The following RACGAP1 variants were observed in gnomAD, a reference collection of about 807,000 sequenced individuals.
RACGAP1 encodes the protein Rac GTPase activating protein 1, also known as rac GTPase-activating protein 1.
Under a neutral mutation model 78.1 loss-of-function variants are expected in RACGAP1, and 30 were observed. That is an observed-to-expected ratio of 0.38 (90% CI 0.29 to 0.52). RACGAP1 has a LOEUF of 0.52. Among genes scored for constraint, RACGAP1 ranks in the 20% least tolerant of loss-of-function variants. The probability of loss-of-function intolerance (pLI) is 0.82; values close to 1 mark genes in which losing one functional copy is unlikely to be tolerated. For missense variants in RACGAP1, 587 were observed against 777.1 expected (o/e 0.76, Z 2.91); for synonymous variants, 231 against 264.8 (o/e 0.87, Z 1.24).
At position 49,997,135 on chromosome 12, in the gene RACGAP1, G is replaced by T. The variant is rs780103010; in HGVS notation, c.949C>A (p.Arg317=). The T allele has an allele frequency of 6.2e-7, 1 of 1,610,490 alleles. No individual in the cohort carries two copies. The highest frequency in any genetic ancestry group is 8.5e-7 in the Non-Finnish European group (1 of 1,177,400). Residue 317 remains arginine, a synonymous_variant, in exon 10 of 17, where the codon CGA becomes AGA. Transcript: ENST00000312377. Reference sequence around the variant, plus strand: ...GGATGAGAGACCACACGACAGTCTCGACACTTCAGAGATAATTTGCCAAAT... The same window carrying T: ...GGATGAGAGACCACACGACAGTCTCTACACTTCAGAGATAATTTGCCAAAT... The part of the protein sequence containing the change: ...IKFGKLSLKC[R]DCRVVSHPEC...
At chr12:50,017,015 T>C in intron 1 of RACGAP1, 1 of 1,117,514 alleles carries the variant, frequency 8.9e-7, no homozygotes, top group African/African-American at 1.6e-5. Context: ...CATTAGCAAG[T>C]GACTGACCAA....
At chr12:50,005,231 A>G (rs1167076302) in intron 4 of RACGAP1, 25 bp downstream of exon 4, 16 of 1,613,532 alleles carry the variant, frequency 9.9e-6, no homozygotes, top group Non-Finnish European at 1.4e-5. Context: ...TTGTGATAGG[A>G]TAACAACAGA....
intron 8 of RACGAP1, 102 bp downstream of exon 8, chr12:49,999,514 C>G: frequency 9.2e-7 from 1 of 1,091,348 alleles, no homozygotes; most frequent in Non-Finnish European, 1.4e-6. Flanking sequence ...AGAAACTACC[C>G]AATACATCCA....
At chr12:49,997,767 G>A (rs569082192) in intron 9 of RACGAP1, among the ~76,000 whole-genome samples, 4 of 149,204 alleles carry the variant, frequency 2.7e-5, no homozygotes, top group South Asian at 2.1e-4. Context: ...TAGTAGAGAC[G>A]GGGTTTCTCC....
rs1948530304 is a variant in RACGAP1 at position 49,999,671 on chromosome 12, T to C, written c.693A>G (p.Glu231=). The C allele has an allele frequency of 6.2e-7, 1 of 1,614,112 alleles. No homozygotes were observed. The change falls in exon 8 of 17, where the codon GAA becomes GAG. Residue 231 remains glutamate, a synonymous_variant. Coordinates refer to ENST00000312377, the MANE Select transcript of RACGAP1 (RefSeq NM_001319999.2). ...GCACAGTCTCAATAGTGGACACAGC[T>C]TCGATGGGCCCGCCATCATTGGGAA... The part of the protein sequence containing the change: ...VTVPNDGGPI[E]AVSTIETVPY...
intron 2 of RACGAP1, among the ~76,000 whole-genome samples, chr12:50,007,906 T>G (rs1203596309): frequency 2.3e-5 from 3 of 129,962 alleles, no homozygotes; most frequent in Middle Eastern, 3.3e-3. Context: ...TTTTTGTGGG[T>G]TTTTTTTTTT....
intron 2 of RACGAP1, among the ~76,000 whole-genome samples, chr12:50,013,380 C>G (rs1949472342): frequency 6.6e-6 from 1 of 152,168 alleles, no homozygotes; most frequent in Non-Finnish European, 1.5e-5. Context: ...AAAGCCAGCA[C>G]TAGTTATCAA....
chr12:50,018,641 T>C lies in RACGAP1; in HGVS notation c.-4-1922A>G, dbSNP rs1411106300. ...CAGTAGTTTTAATATAAGGTATTAC[T>C]TTCTATCATCTCGGCATTCACTTAT... On this transcript the variant is annotated intron_variant, in intron 1 of 16. Transcript: ENST00000312377. 2.9e-6 allele frequency: 3 copies of C among 1,034,904 alleles called. No homozygotes were observed. In the Admixed American group the frequency reaches 7.2e-5, roughly 25 times the overall value. The allele number at this position is 1,034,904 out of a possible 1,614,324, so 64.1% of individuals were successfully genotyped here. A position where few individuals can be genotyped will look rare whatever the true frequency, so the allele number is the denominator to read the frequency against.
intron 2 of RACGAP1, among the ~76,000 whole-genome samples, chr12:50,007,229 G>A (rs985894116): frequency 3.3e-5 from 5 of 150,604 alleles, no homozygotes; most frequent in African/African-American, 7.3e-5. Context: ...TGAAGGGTAT[G>A]TAAACATTCC....
chr12:50,009,994 A>G (rs1949213015), intron 2 of RACGAP1, among the ~76,000 whole-genome samples: 1 of 152,266 alleles, frequency 6.6e-6, no homozygotes, highest in African/African-American at 2.4e-5. Context: ...CTCTGAAACT[A>G]AAATACCATA....
intron 9 of RACGAP1, among the ~76,000 whole-genome samples, chr12:49,998,254 A>C (rs1174162325): frequency 6.6e-6 from 1 of 151,652 alleles, no homozygotes; most frequent in African/African-American, 2.4e-5. Context: ...AGTACAAAAA[A>C]TTGGCCGGGC....
chr12:50,025,668 TG>T, upstream of RACGAP1: 4 of 545,514 alleles, frequency 7.3e-6, no homozygotes, highest in Non-Finnish European at 9.3e-6. Context: ...CGGTTTTTTT[TG>T]TTTTTTTTTG....
chr12:50,021,143 C>T, intron 1 of RACGAP1: 1 of 980,026 alleles, frequency 1.0e-6, no homozygotes, highest in East Asian at 1.1e-4. Context: ...TTTATTTCCC[C>T]CCATGTATTA....
intron 2 of RACGAP1, among the ~76,000 whole-genome samples, chr12:50,015,872 C>A (rs1303227544): frequency 6.7e-6 from 1 of 148,240 alleles, no homozygotes; most frequent in East Asian, 2.0e-4. Context: ...GGTGGCGCAA[C>A]CTGGGTGACA....
chr12:50,025,660 G>GTTTTT, upstream of RACGAP1: 1 of 543,170 alleles, frequency 1.8e-6, no homozygotes, highest in Non-Finnish European at 2.3e-6. Context: ...CGGTTTTTCG[G>GTTTTT]TTTTTTTTGT....
Position 49,999,192 on chromosome 12 carries a change from G to A in RACGAP1, c.828C>T (p.Gly276=), listed in dbSNP as rs1948495935. Residue 276 remains glycine (G), a synonymous_variant, in exon 9 of 17, where the codon GGC becomes GGT. Coordinates refer to ENST00000312377, the MANE Select transcript of RACGAP1 (RefSeq NM_001319999.2). ...LEPRTETDSV[G]TPQSNGGMRL... ...GCATCCCTCCATTACTCTGTGGCGT[G>A]CCCACACTGTCTGTCTCAGTTCTTG... 3.7e-6 allele frequency: 6 copies of A among 1,613,944 alleles called. No individual in the cohort carries two copies. Among genetic ancestry groups the A allele is most frequent in the Non-Finnish European group, 5.1e-6 (6 of 1,180,024 alleles).
intron 12 of RACGAP1, among the ~76,000 whole-genome samples, chr12:49,993,174 G>T (rs1948009422): frequency 6.6e-6 from 1 of 152,182 alleles, no homozygotes; most frequent in Non-Finnish European, 1.5e-5. Context: ...GTCAGGAAAG[G>T]TGTTTCTGGG....
chr12:50,002,277 C>T lies in RACGAP1; in HGVS notation c.519G>A (p.Lys173=). 6.2e-7 allele frequency: 1 copy of T among 1,613,470 alleles called. No individual in the cohort carries two copies. Among genetic ancestry groups the T allele is most frequent in the Non-Finnish European group, 8.5e-7 (1 of 1,179,680 alleles). Residue 173 remains lysine, a synonymous_variant, in exon 6 of 17, where the codon AAG becomes AAA. Coordinates refer to ENST00000312377, the MANE Select transcript of RACGAP1 (RefSeq NM_001319999.2). ...ESLDWDSSLV[K]TFKLKKREKR... ...TTTCTCTCTTCTTCAGTTTGAAAGT[C>T]TTCACCAAAGAAGAGTCCCAATCCT... is the stretch of plus-strand genomic sequence containing the variant.
At chr12:49,990,530 T>C (rs899298765) in intron 16 of RACGAP1, among the ~76,000 whole-genome samples, 154 bp downstream of exon 16, 2 of 152,218 alleles carry the variant, frequency 1.3e-5, no homozygotes, top group South Asian at 2.1e-4. Flanking sequence ...TCAGAACCTT[T>C]TTAAAGAAGG....
Sources: gnomAD v4.1 joint callset for allele counts (sites outside exome capture counted in the v4.1 genomes callset) on GRCh38, gnomAD v4.1.1 for gene constraint, MANE v1.5 for transcripts, NCBI Gene and HGNC (gene_info 2026-07-23, HGNC 2026-07-21) for gene names.